Variants in CNTN5 observed in about 807,000 individuals in gnomAD.
CNTN5 encodes contactin-5.
Under a neutral mutation model 129.1 loss-of-function variants are expected in CNTN5, and 77 were observed. The observed-to-expected ratio is 0.60, with a 90% CI of 0.50 to 0.72. The LOEUF (loss-of-function observed/expected upper bound fraction) is 0.72, where lower values mean the gene tolerates loss of function less well. Ranked by LOEUF, CNTN5 falls within the 30% of genes least tolerant of loss-of-function variation. CNTN5 has a pLI of 0.00. For missense variants in CNTN5, 1,478 were observed against 1,328.8 expected, an observed-to-expected ratio of 1.11 and a Z score of -1.75; for synonymous variants, 509 against 465.6, an observed-to-expected ratio of 1.09 and a Z score of -1.20.
At chr11:99,862,106 A>G (rs1565615873) in intron 6 of CNTN5, among the ~76,000 whole-genome samples, 1 of 147,748 alleles carries the variant, frequency 6.8e-6, no homozygotes, top group Admixed American at 6.6e-5. Context: ...GACTAAATGA[A>G]TATTTAAATA....
At position 99,556,218 on chromosome 11, in the gene CNTN5, G is replaced by C; in HGVS notation, c.4G>C (p.Ala2Pro). 1 of 1,510,550 alleles carries C rather than the reference G, an allele frequency of 6.6e-7. No individual in the cohort carries two copies. Among genetic ancestry groups the C allele is most frequent in the Non-Finnish European group, 8.9e-7 (1 of 1,120,188 alleles). The allele number at this position is 1,510,550 out of a possible 1,614,324, so 93.6% of individuals were successfully genotyped here. A position where few individuals can be genotyped will look rare whatever the true frequency, so the allele number is the denominator to read the frequency against. MASSWKLMLFLS... is the reference protein window; with the variant it reads MPSSWKLMLFLS... The stretch of plus-strand genomic sequence containing the variant: ...CAGAAGATTCTAGTGACTGAGGATG[G>C]CTTCCTCTTGGAAACTAATGCTGTT... Residue 2 changes from alanine (A) to proline (P), a missense_variant, in exon 3 of 25, where the codon GCT becomes CCT. Transcript: ENST00000524871.
intron 1 of CNTN5, among the ~76,000 whole-genome samples, chr11:99,051,971 A>G (rs2135177702): frequency 6.6e-6 from 1 of 152,016 alleles, no homozygotes; most frequent in South Asian, 2.1e-4. Context: ...AGGATGAATT[A>G]CATTTTAATG....
rs1265769495 is a variant in CNTN5, at chr11:99,115,327, T to G, written c.-210+94057T>G. Among the ~76,000 whole-genome samples, 14 of 152,306 alleles carry G rather than the reference T, an allele frequency of 9.2e-5. No individual in the cohort carries two copies. The South Asian group carries it at 2.7e-3, about 29-fold the overall frequency. On this transcript the variant is annotated intron_variant, in intron 1 of 24. Transcript: ENST00000524871. ...ACAAAAATAACTATCTTGTACATCT[T>G]TTAGAAGGAAAAATTAAATGAAATG... is the stretch of plus-strand genomic sequence containing the variant.
intron 9 of CNTN5, among the ~76,000 whole-genome samples, chr11:100,048,547 GA>G (rs1376359916): frequency 2.6e-5 from 4 of 151,988 alleles, no homozygotes. Flanking sequence ...TTATCTTTAT[GA>G]AAGTTTTAGA....
intron 1 of CNTN5, among the ~76,000 whole-genome samples, chr11:99,148,120 T>C (rs1859875531): frequency 6.6e-6 from 1 of 152,076 alleles, no homozygotes; most frequent in South Asian, 2.1e-4. Flanking sequence ...TATGCGCCCT[T>C]TAAGGATTGT....
At chr11:99,925,396 G>C (rs1197964131) in intron 7 of CNTN5, among the ~76,000 whole-genome samples, 1 of 152,166 alleles carries the variant, frequency 6.6e-6, no homozygotes, top group Non-Finnish European at 1.5e-5. Context: ...GCTTAATCCT[G>C]AGCACTCAGC....
intron 3 of CNTN5, among the ~76,000 whole-genome samples, chr11:99,714,737 A>G (rs1214507300): frequency 2.0e-5 from 3 of 151,802 alleles, no homozygotes; most frequent in Non-Finnish European, 4.4e-5. Flanking sequence ...TACAAATCCC[A>G]TGTTCACCAT....
chr11:99,475,631 C>T (rs1343311264), intron 2 of CNTN5, among the ~76,000 whole-genome samples: 1 of 151,902 alleles, frequency 6.6e-6, no homozygotes, highest in East Asian at 1.9e-4. Context: ...ATGCCATAAA[C>T]CTTGTCTTTT....
At chr11:99,277,931 C>T (rs946905412) in intron 1 of CNTN5, among the ~76,000 whole-genome samples, 3 of 151,724 alleles carry the variant, frequency 2.0e-5, no homozygotes, top group Non-Finnish European at 3.0e-5. Context: ...GTAAATCTAA[C>T]ATTGATTTAC....
At chr11:99,423,349 A>T (rs1014061831) in intron 2 of CNTN5, among the ~76,000 whole-genome samples, 1 of 152,198 alleles carries the variant, frequency 6.6e-6, no homozygotes, top group African/African-American at 2.4e-5. Flanking sequence ...AGAAACTGAG[A>T]GATAGGAACC....
chr11:99,627,815 C>T (rs1951185454), intron 3 of CNTN5, among the ~76,000 whole-genome samples: 1 of 151,532 alleles, frequency 6.6e-6, no homozygotes, highest in African/African-American at 2.4e-5. Flanking sequence ...AAGTCTTGTG[C>T]AGACAGGTTA....
intron 1 of CNTN5, among the ~76,000 whole-genome samples, chr11:99,260,436 A>T (rs1427981665): frequency 6.6e-6 from 1 of 151,864 alleles, no homozygotes; most frequent in Non-Finnish European, 1.5e-5. Context: ...CTACTGCTAA[A>T]ATATAGAAAG....
intron 1 of CNTN5, among the ~76,000 whole-genome samples, chr11:99,188,759 G>T (rs1378038077): frequency 6.6e-6 from 1 of 151,370 alleles, no homozygotes; most frequent in African/African-American, 2.4e-5. Context: ...AAATTTATTG[G>T]ATAAAACATA....
intron 8 of CNTN5, among the ~76,000 whole-genome samples, chr11:99,985,346 T>C (rs530334445): frequency 8.5e-5 from 13 of 152,118 alleles, no homozygotes; most frequent in Non-Finnish European, 1.8e-4. Flanking sequence ...AGGCAGGCAG[T>C]CTCCCCACAA....
intron 21 of CNTN5, chr11:100,309,075 G>T (rs1951415239): frequency 1.0e-6 from 1 of 984,940 alleles, no homozygotes; most frequent in Admixed American, 6.2e-5. Flanking sequence ...AATATTTTAT[G>T]ATAACAAGGT....
chr11:99,619,463 T>C (rs1264041779), intron 3 of CNTN5, among the ~76,000 whole-genome samples: 1 of 152,138 alleles, frequency 6.6e-6, no homozygotes, highest in Non-Finnish European at 1.5e-5. Flanking sequence ...TAAAATTGCT[T>C]CCATTTCACA....
At position 99,956,964 on chromosome 11, in the gene CNTN5, G is replaced by T. The variant is rs1376142917; in HGVS notation, c.832G>T (p.Ala278Ser). ...TCTGGTGAAAAACACAGTGACGAAT[G>T]CTAGAGTCCTTAGTCCTCCAACGCC... ...ICLVKNTVTN[A>S]RVLSPPTPLT... Residue 278 changes from alanine (A) to serine (S), a missense_variant, in exon 8 of 25, where the codon GCT becomes TCT. By Grantham distance (99) the Ala-to-Ser change is moderately conservative. Transcript: ENST00000524871. The T allele has an allele frequency of 1.2e-6, 2 of 1,613,886 alleles. No individual in the cohort carries two copies. The highest frequency in any genetic ancestry group is 1.7e-6 in the Non-Finnish European group (2 of 1,179,824).
intron 4 of CNTN5, among the ~76,000 whole-genome samples, chr11:99,843,028 T>C (rs2135685739): frequency 6.6e-6 from 1 of 152,228 alleles, no homozygotes; most frequent in African/African-American, 2.4e-5. Context: ...GTTAGGAGTG[T>C]GAGACCAGCC....
At chr11:99,925,499 C>G (rs769411641) in intron 7 of CNTN5, among the ~76,000 whole-genome samples, 1 of 152,078 alleles carries the variant, frequency 6.6e-6, no homozygotes. Context: ...AAATAATAGT[C>G]AAAATGCAAT....
Sources: allele counts gnomAD v4.1 joint callset (sites outside exome capture counted in the v4.1 genomes callset), GRCh38; gene constraint gnomAD v4.1.1; transcripts MANE v1.5; gene names NCBI Gene and HGNC (gene_info 2026-07-23, HGNC 2026-07-21).